Variants in ZSCAN5A observed in about 807,000 individuals in gnomAD.
ZSCAN5A encodes zinc finger and SCAN domain containing 5A.
A neutral mutation model predicts 23.7 loss-of-function variants in ZSCAN5A; 12 were observed. That is an observed-to-expected ratio of 0.51 (90% confidence interval 0.32 to 0.82). The LOEUF is 0.82. Ranked by LOEUF, ZSCAN5A falls within the 40% of genes least tolerant of loss-of-function variation. The probability of loss-of-function intolerance (pLI) is 0.03; values close to 1 mark genes in which losing one functional copy is unlikely to be tolerated. For synonymous variants in ZSCAN5A, 257 were observed against 239.9 expected (o/e 1.07, Z -0.66); for missense variants, 597 against 617.9 (o/e 0.97, Z 0.36).
chr19:56,228,483 C>CGCAAATATT (rs2146456744), intron 2 of ZSCAN5A: 1 of 970,316 alleles, frequency 1.0e-6, no homozygotes, highest in Non-Finnish European at 1.2e-6. Flanking sequence ...AACATGCCTA[C>CGCAAATATT]TGTGCAAATA....
chr19:56,296,358 G>A (rs1487629192), intron 2 of ZSCAN5A: 1 of 152,194 alleles, frequency 6.6e-6, no homozygotes, highest in Non-Finnish European at 1.5e-5. Context: ...TCCAAGTACT[G>A]CATGGTAAGT....
intron 2 of ZSCAN5A, chr19:56,244,326 C>T: frequency 1.2e-6 from 2 of 1,607,156 alleles, no homozygotes; most frequent in Non-Finnish European, 1.7e-6. Flanking sequence ...TTCATGATCT[C>T]CATGCCCCAG....
At chr19:56,225,912 G>C (rs369095324) in intron 2 of ZSCAN5A, among the ~76,000 whole-genome samples, 259 of 124,772 alleles carry the variant, frequency 2.1e-3, no homozygotes, top group African/African-American at 6.9e-3. Flanking sequence ...AAGGGTTTCT[G>C]TATTCCTAAT....
chr19:56,302,254 C>T (rs538648306), intron 2 of ZSCAN5A, among the ~76,000 whole-genome samples: 1 of 152,040 alleles, frequency 6.6e-6, no homozygotes, highest in South Asian at 2.1e-4. Context: ...CCCACTCTCC[C>T]ACCCGCCTCC....
Position 56,301,955 on chromosome 19 carries a change from C to T in ZSCAN5A, c.-128+11328G>A, listed in dbSNP as rs137858735. The T allele has an allele frequency of 1.2e-3, 1,443 of 1,232,054 alleles. 11 individuals carry two copies. The African/African-American group carries it at 0.019, about 16-fold the overall frequency. The allele number at this position is 1,232,054 out of a possible 1,614,324, so 76.3% of individuals were successfully genotyped here. Reference sequence around the variant, plus strand: ...AGGCCATCAGCATCAATCATCTCCACGGTTCTCTCCAGTTAAACCCTTCTC... The same window carrying T: ...AGGCCATCAGCATCAATCATCTCCATGGTTCTCTCCAGTTAAACCCTTCTC... On this transcript the variant is annotated intron_variant, in intron 2 of 5. Coordinates refer to ENST00000683990, the MANE Select transcript of ZSCAN5A (RefSeq NM_001322064.3).
intron 2 of ZSCAN5A, among the ~76,000 whole-genome samples, chr19:56,258,155 G>A (rs543254646): frequency 4.7e-4 from 72 of 152,246 alleles, no homozygotes; most frequent in Non-Finnish European, 8.8e-4. Context: ...CAAGCCTTTC[G>A]CAGGTTCCCA....
At chr19:56,248,459 A>C (rs1474987224) in intron 2 of ZSCAN5A, among the ~76,000 whole-genome samples, 3 of 152,018 alleles carry the variant, frequency 2.0e-5, no homozygotes, top group Non-Finnish European at 4.4e-5. Flanking sequence ...GGGTTTTGCC[A>C]CGTTGCCCAG....
intron 2 of ZSCAN5A, chr19:56,283,336 A>AGT (rs2038855870): frequency 6.6e-6 from 1 of 152,182 alleles, no homozygotes. Context: ...AGCTAGGCTA[A>AGT]GTACTCAATC....
chr19:56,261,975 A>T (rs1029806554), intron 2 of ZSCAN5A, among the ~76,000 whole-genome samples: 2 of 152,172 alleles, frequency 1.3e-5, no homozygotes, highest in Admixed American at 1.3e-4. Flanking sequence ...GTACCTCAGA[A>T]GTCTCCCTCT....
chr19:56,261,670 TA>T (rs1038698919), intron 2 of ZSCAN5A, among the ~76,000 whole-genome samples: 18 of 151,954 alleles, frequency 1.2e-4, no homozygotes, highest in African/African-American at 3.6e-4. Flanking sequence ...AAAAGTGTAT[TA>T]GGGGAGAAAA....
In ZSCAN5A at chr19:56,221,462, C is replaced by T; in HGVS notation, c.*113G>A. On this transcript the variant is annotated 3_prime_UTR_variant, in exon 6 of 6. Coordinates refer to ENST00000683990, the MANE Select transcript of ZSCAN5A (RefSeq NM_001322064.3). Reference sequence around the variant, plus strand: ...ACATCCTGGCAATTCATATCTAGGGCACTCCCTCTGTGTGTCAGACGCCCT... The same window carrying T: ...ACATCCTGGCAATTCATATCTAGGGTACTCCCTCTGTGTGTCAGACGCCCT... 1 of 1,322,658 alleles carries T rather than the reference C, an allele frequency of 7.6e-7. No individual in the cohort carries two copies. The allele number at this position is 1,322,658 out of a possible 1,614,324, so 81.9% of individuals were successfully genotyped here.
At position 56,223,816 on chromosome 19, in the gene ZSCAN5A, C is replaced by T. The variant is rs1188499793; in HGVS notation, c.403G>A (p.Gly135Arg). Residue 135 changes from glycine to arginine, a missense_variant, in exon 4 of 6, where the codon GGA (glycine) becomes AGA (arginine). Around this residue, in one of 5 missense-constraint regions of ZSCAN5A, gnomAD observed 27 missense variants for 93.5 expected, o/e 0.29. Transcript: ENST00000683990. ...GAGTCCTGCACAATATATTCCTTTCCGTGGAAGGTGACCACAGACTGTAGA... is the reference window on the plus strand; with the variant it reads ...GAGTCCTGCACAATATATTCCTTTCTGTGGAAGGTGACCACAGACTGTAGA... ...PKKWSVVTFH[G>R]KEYIVQDSDI... is the part of the protein sequence containing the mutation. The T allele has an allele frequency of 3.7e-6, 6 of 1,612,498 alleles. No homozygotes were observed. Among genetic ancestry groups the T allele is most frequent in the Non-Finnish European group, 5.1e-6 (6 of 1,179,962 alleles).
chr19:56,234,087 T>A lies in ZSCAN5A; in HGVS notation c.-127-8914A>T, dbSNP rs540034752. 5.9e-5 allele frequency among the ~76,000 whole-genome samples: 9 copies of A among 152,230 alleles called. No homozygotes were observed. The South Asian group carries it at 1.9e-3, about 32-fold the overall frequency. On this transcript the variant is annotated intron_variant, in intron 2 of 5. Coordinates refer to ENST00000683990, the MANE Select transcript of ZSCAN5A (RefSeq NM_001322064.3). ...TGTCCGGAGGCTGAACTCACAAAGATTTCAGAATGTCAGTAGGAGAGGAGG... is the reference window on the plus strand; with the variant it reads ...TGTCCGGAGGCTGAACTCACAAAGAATTCAGAATGTCAGTAGGAGAGGAGG...
Position 56,223,784 on chromosome 19 carries a change from G to C in ZSCAN5A, c.435C>G (p.Ile145Met), listed in dbSNP as rs140466399. The change falls in exon 4 of 6, where the codon ATC becomes ATG. Residue 145 changes from isoleucine to methionine, a missense_variant. Around this residue, in one of 5 missense-constraint regions of ZSCAN5A, gnomAD observed 406 missense variants for 353.2 expected, o/e 1.15. Transcript: ENST00000683990. ...CACTGGAGGGGGCTTCAGCCATCTC[G>C]ATATCTGAGTCCTGCACAATATATT... Reference protein sequence around the residue: ...GKEYIVQDSDIEMAEAPSSVR... With the variant: ...GKEYIVQDSDMEMAEAPSSVR... 6 of 1,613,634 alleles carry C rather than the reference G, an allele frequency of 3.7e-6. No individual in the cohort carries two copies. Among genetic ancestry groups the C allele is most frequent in the South Asian group, 1.1e-5 (1 of 91,076 alleles).
At chr19:56,272,908 C>T in intron 2 of ZSCAN5A, 4 of 985,204 alleles carry the variant, frequency 4.1e-6, no homozygotes, top group African/African-American at 1.7e-5. Context: ...GAAGCCTGTA[C>T]TCCTCGTGAA....
At chr19:56,355,805 G>A (rs1434969132) in intron 2 of ZSCAN5A, among the ~76,000 whole-genome samples, 2 of 148,614 alleles carry the variant, frequency 1.3e-5, no homozygotes, top group Non-Finnish European at 3.0e-5. Context: ...TCCTTCATAT[G>A]TTTAGGTATT....
intron 2 of ZSCAN5A, 139 bp from the exon 3 acceptor site, chr19:56,225,312 G>C (rs948956970): frequency 1.5e-6 from 1 of 662,626 alleles, no homozygotes; most frequent in Non-Finnish European, 2.1e-6. Context: ...GTCTATACCT[G>C]ACTACATACT....
Position 56,222,327 on chromosome 19 carries a change from C to G in ZSCAN5A, c.740-1G>C, listed in dbSNP as rs562083011. 52 of 1,609,964 alleles carry G rather than the reference C, an allele frequency of 3.2e-5. No homozygotes were observed. In the African/African-American group the frequency reaches 4.0e-4, roughly 12 times the overall value. ...CCCTCCTTTGCTCTCACCAGATCTGCTGGAAGAAGGGATTCCACACACACA... is the reference window on the plus strand; with the variant it reads ...CCCTCCTTTGCTCTCACCAGATCTGGTGGAAGAAGGGATTCCACACACACA... On this transcript the variant is annotated splice_acceptor_variant, in intron 5 of 5. Coordinates refer to ENST00000683990, the MANE Select transcript of ZSCAN5A (RefSeq NM_001322064.3). LOFTEE classifies it high-confidence loss of function.
At chr19:56,319,401 C>A (rs570441685), upstream of ZSCAN5A, among the ~76,000 whole-genome samples, 1 of 139,844 alleles carries the variant, frequency 7.2e-6, no homozygotes, top group East Asian at 2.3e-4. Flanking sequence ...GGGGCTGAAG[C>A]AAAAGAATTG....
Sources: gnomAD v4.1 joint callset for allele counts (sites outside exome capture counted in the v4.1 genomes callset) on GRCh38, gnomAD v4.1.1 for gene constraint, gnomAD v4.1.1 regional missense constraint, MANE v1.5 for transcripts, NCBI Gene and HGNC (gene_info 2026-07-23, HGNC 2026-07-21) for gene names.